NBAS: variants seen among roughly 807,000 people sequenced by gnomAD.
The protein encoded by NBAS is NAG/BC035112 fusion.
In NBAS, 219 loss-of-function variants were observed where a neutral mutation model predicts 302.5. That is an observed-to-expected ratio of 0.72 (90% CI 0.65 to 0.81). NBAS has a LOEUF of 0.81. NBAS is among the 30% of genes least tolerant of loss of function. The pLI, the probability that NBAS is intolerant of heterozygous loss-of-function variation, is 0.00. For synonymous variants in NBAS, 1,118 were observed against 1,021.6 expected (o/e 1.09, Z -1.80); for missense variants, 2,932 against 2,841.6 (o/e 1.03, Z -0.72).
rs80225760 is a variant in NBAS, at chr2:15,413,902, T to C, written c.2937+1644A>G. Among the ~76,000 whole-genome samples the C allele has an allele frequency of 6.4e-3, 982 of 152,320 alleles. 12 individuals carry two copies. Among genetic ancestry groups the C allele is most frequent in the South Asian group, 6.8e-3 (33 of 4,832 alleles). ...CAACAAAGGCAAATGGCTGTATGTT[T>C]TGTTCAAAAGGCACACGCTAAATTG... On this transcript the variant is annotated intron_variant, in intron 25 of 51. Transcript: ENST00000281513.
chr2:15,225,174 G>C (rs1321142869), intron 47 of NBAS, among the ~76,000 whole-genome samples: 3 of 152,050 alleles, frequency 2.0e-5, no homozygotes, highest in African/African-American at 7.2e-5. Flanking sequence ...ATATCTTCCT[G>C]GGTTCTTGGA....
chr2:15,156,654 C>T, the NBAS span, among the ~76,000 whole-genome samples: 1 of 152,140 alleles, frequency 6.6e-6, no homozygotes. Context: ...CCCAAAGGCC[C>T]CACCTCTGAA....
chr2:15,291,593 G>A (rs1336505289), intron 41 of NBAS, among the ~76,000 whole-genome samples: 5 of 152,166 alleles, frequency 3.3e-5, no homozygotes, highest in Non-Finnish European at 5.9e-5. Flanking sequence ...CAAGGTCTCC[G>A]CCTGGGCCTT....
chr2:15,552,316 T>C (rs539919722), intron 5 of NBAS, among the ~76,000 whole-genome samples: 1 of 152,278 alleles, frequency 6.6e-6, no homozygotes, highest in Non-Finnish European at 1.5e-5. Context: ...TATTATGGAA[T>C]TACTATAGTC....
chr2:15,441,167 T>C, intron 21 of NBAS, among the ~76,000 whole-genome samples: 1 of 152,146 alleles, frequency 6.6e-6, no homozygotes, highest in East Asian at 1.9e-4. Flanking sequence ...GCCACAAAGA[T>C]ACTCATTGAG....
At chr2:14,874,908 G>A in the NBAS span, among the ~76,000 whole-genome samples, 1 of 151,928 alleles carries the variant, frequency 6.6e-6, no homozygotes, top group Non-Finnish European at 1.5e-5. Flanking sequence ...AAACTCATTT[G>A]GCTATCACAA....
the NBAS span, among the ~76,000 whole-genome samples, chr2:14,904,308 A>G: frequency 6.6e-6 from 1 of 152,140 alleles, no homozygotes; most frequent in Non-Finnish European, 1.5e-5. Context: ...AGAAACCTCA[A>G]AAACAGGAAA....
At position 15,292,771 on chromosome 2, in the gene NBAS, G is replaced by T. The variant is rs747482363; in HGVS notation, c.4798-5C>A. The T allele has an allele frequency of 1.2e-6, 2 of 1,613,602 alleles. No homozygotes were observed. Among genetic ancestry groups the T allele is most frequent in the African/African-American group, 2.7e-5 (2 of 75,044 alleles). On this transcript the variant is annotated splice_region_variant and splice_polypyrimidine_tract_variant and intron_variant, in intron 40 of 51. Transcript: ENST00000281513. ...GATTAGTTCTTTGGGATCAGCCTAT[G>T]AAAGACATGGAAAAGAAGACATTTT...
the NBAS span, among the ~76,000 whole-genome samples, chr2:15,149,900 ACT>A: frequency 5.3e-5 from 8 of 151,858 alleles, no homozygotes; most frequent in East Asian, 1.4e-3. Flanking sequence ...ATCTCAAAAG[ACT>A]CTCTGTTTAT....
rs772727676 is a variant in NBAS at position 15,276,908 on chromosome 2, C to T, written c.5332G>A (p.Ala1778Thr). 1.9e-6 allele frequency: 3 copies of T among 1,614,032 alleles called. No individual in the cohort carries two copies. In the South Asian group the frequency reaches 3.3e-5, roughly 18 times the overall value. The change falls in exon 43 of 52, where the codon GCC becomes ACC. Residue 1778 changes from alanine to threonine, a missense_variant. Physicochemically the swap from Ala to Thr is moderately conservative, Grantham distance 58 (BLOSUM62 0). Coordinates refer to ENST00000281513, the MANE Select transcript of NBAS (RefSeq NM_015909.4). ...CGAATGTGGGTTTCTGGTTTAATGG[C>T]ACAGTTCCCCAAATCTGCACAGCCA... ...NCGCADLGNC[A>T]IKPETHIRLL...
the NBAS span, among the ~76,000 whole-genome samples, chr2:14,922,620 G>A: frequency 6.6e-6 from 1 of 152,146 alleles, no homozygotes; most frequent in Non-Finnish European, 1.5e-5. Flanking sequence ...CCCCACCCTT[G>A]TGACTTTCTT....
At chr2:15,319,582 A>C (rs1168934621) in intron 38 of NBAS, among the ~76,000 whole-genome samples, 1 of 152,240 alleles carries the variant, frequency 6.6e-6, no homozygotes, top group Non-Finnish European at 1.5e-5. Flanking sequence ...CCGATCCCAC[A>C]GAAATACAAA....
At chr2:14,870,038 T>C in the NBAS span, among the ~76,000 whole-genome samples, 1 of 152,194 alleles carries the variant, frequency 6.6e-6, no homozygotes, top group Non-Finnish European at 1.5e-5. Context: ...CTGGACAAAA[T>C]ATTTAAAATG....
intron 44 of NBAS, among the ~76,000 whole-genome samples, chr2:15,267,956 C>A (rs987195079): frequency 6.6e-6 from 1 of 152,092 alleles, no homozygotes; most frequent in Non-Finnish European, 1.5e-5. Context: ...TATAAAGTCT[C>A]TAAAATCTTA....
At chr2:15,385,237 C>T (rs1675229787) in intron 28 of NBAS, among the ~76,000 whole-genome samples, 1 of 152,148 alleles carries the variant, frequency 6.6e-6, no homozygotes, top group African/African-American at 2.4e-5. Flanking sequence ...CTTTAGCCTT[C>T]AAAAAACTGG....
intron 48 of NBAS, among the ~76,000 whole-genome samples, chr2:15,213,243 C>T (rs1171276768): frequency 6.6e-6 from 1 of 152,202 alleles, no homozygotes; most frequent in Non-Finnish European, 1.5e-5. Flanking sequence ...GAGTGTAGCA[C>T]AGTGCATGTC....
At chr2:15,286,951 C>A in intron 42 of NBAS, 122 bp downstream of exon 42, 1 of 742,906 alleles carries the variant, frequency 1.3e-6, no homozygotes. Context: ...CTTACCAAGA[C>A]ACTAGTCCAC....
intron 23 of NBAS, among the ~76,000 whole-genome samples, chr2:15,422,440 G>T (rs143527634): frequency 2.8e-4 from 43 of 152,150 alleles, no homozygotes; most frequent in Middle Eastern, 3.4e-3. Context: ...AATAACTTGT[G>T]AGTGGGGGGA....
the NBAS span, among the ~76,000 whole-genome samples, chr2:15,068,977 C>T: frequency 6.6e-6 from 1 of 152,140 alleles, no homozygotes; most frequent in African/African-American, 2.4e-5. Context: ...CAGGGCCTCA[C>T]ATGGTTGGGG....
Sources: allele counts gnomAD v4.1 joint callset (sites outside exome capture counted in the v4.1 genomes callset), GRCh38; gene constraint gnomAD v4.1.1; transcripts MANE v1.5; gene names NCBI Gene and HGNC (gene_info 2026-07-23, HGNC 2026-07-21).